The following UBE2W variants were observed in gnomAD, a reference collection of about 807,000 sequenced individuals.
UBE2W encodes the protein ubiquitin conjugating enzyme E2 W.
UBE2W carries 18 observed loss-of-function variants against 27.2 expected under a neutral mutation model. The observed-to-expected ratio is 0.66, with a 90% CI of 0.46 to 0.98. The LOEUF is 0.98. Among genes scored for constraint, UBE2W ranks in the 50% least tolerant of loss-of-function variants. The pLI, the probability that UBE2W is intolerant of heterozygous loss-of-function variation, is 0.00. For missense variants in UBE2W, 90 were observed against 180.2 expected, an observed-to-expected ratio of 0.50 and a Z score of 2.87; for synonymous variants, 53 against 57.2, an observed-to-expected ratio of 0.93 and a Z score of 0.33.
intron 4 of UBE2W, among the ~76,000 whole-genome samples, chr8:73,780,863 G>A (rs1223160473): frequency 6.6e-6 from 1 of 152,142 alleles, no homozygotes; most frequent in Non-Finnish European, 1.5e-5. Flanking sequence ...TTATTCAAAA[G>A]TGCAATGATT....
chr8:73,857,454 G>C (rs1003754219), intron 1 of UBE2W, among the ~76,000 whole-genome samples: 2 of 76,324 alleles, frequency 2.6e-5, no homozygotes, highest in Non-Finnish European at 3.7e-5. Context: ...ATAAAAGATT[G>C]CAAGTATGTA....
At chr8:73,845,122 CG>C (rs1810734442) in intron 1 of UBE2W, among the ~76,000 whole-genome samples, 3 of 152,088 alleles carry the variant, frequency 2.0e-5, no homozygotes, top group Admixed American at 1.3e-4. Flanking sequence ...GCCGCCGCCC[CG>C]TCTGGGAGGT....
intron 5 of UBE2W, among the ~76,000 whole-genome samples, 179 bp downstream of exon 5, chr8:73,805,472 C>CAAACAAAAAAAAAAAACAAAAACAAA (rs1254739442): frequency 2.3e-5 from 1 of 43,676 alleles, no homozygotes; most frequent in Non-Finnish European, 5.0e-5. Flanking sequence ...AAAAAAAAAA[C>CAAACAAAAAAAAAAAACAAAAACAAA]AAAAAAAACT....
At position 73,790,655 on chromosome 8, in the gene UBE2W, CAGT is replaced by C. The variant is rs1190508670; in HGVS notation, c.*3444_*3446del. ...TATTTAAAAAAATTTTTGTAACACA[CAGT>C]ACCTCCTCTTCTCTTCTATTTTTAG... On this transcript the variant is annotated 3_prime_UTR_variant, in exon 6 of 6. Transcript: ENST00000602593. 2.6e-5 allele frequency: 26 copies of C among 983,848 alleles called. No homozygotes were observed. Among genetic ancestry groups the C allele is most frequent in the Non-Finnish European group, 3.0e-5 (25 of 828,516 alleles). 60.9% of individuals were successfully genotyped at this position (983,848 alleles called of 1,614,324 possible).
At chr8:73,856,944 T>C (rs988896775) in intron 1 of UBE2W, among the ~76,000 whole-genome samples, 5 of 152,136 alleles carry the variant, frequency 3.3e-5, no homozygotes, top group Non-Finnish European at 7.4e-5. Flanking sequence ...TGGTCTCAAG[T>C]GATCCGCCCA....
chr8:73,843,411 T>C (rs1810628348), intron 1 of UBE2W, among the ~76,000 whole-genome samples: 1 of 152,106 alleles, frequency 6.6e-6, no homozygotes. Context: ...GGCAGGAAGA[T>C]TACTTGCAGC....
In UBE2W at chr8:73,801,718, G is replaced by GAAGC. The variant is rs1474933914; in HGVS notation, c.442+3929_442+3932dup. 2.0e-5 allele frequency among the ~76,000 whole-genome samples: 3 copies of GAAGC among 152,162 alleles called. No homozygotes were observed. In the East Asian group the frequency reaches 5.8e-4, roughly 29 times the overall value. ...TAAGGCTTTTTTGTAAAGGCATGAA[G>GAAGC]AAGCGGCTTAGTGTTTGGTCCTAAA... On this transcript the variant is annotated intron_variant, in intron 5 of 5. Transcript: ENST00000602593.
intron 5 of UBE2W, chr8:73,795,858 G>T: frequency 1.3e-6 from 1 of 784,484 alleles, no homozygotes; most frequent in Non-Finnish European, 1.5e-6. Flanking sequence ...GAGGTGGATG[G>T]ACTGCTTGGG....
chr8:73,786,785 T>C lies in UBE2W; in HGVS notation c.*7317A>G. 1.0e-6 allele frequency: 1 copy of C among 985,384 alleles called. No individual in the cohort carries two copies. The highest frequency in any genetic ancestry group is 4.7e-5 in the South Asian group (1 of 21,290). The allele number at this position is 985,384 out of a possible 1,614,324, so 61.0% of individuals were successfully genotyped here. A position where few individuals can be genotyped will look rare whatever the true frequency, so the allele number is the denominator to read the frequency against. On this transcript the variant is annotated 3_prime_UTR_variant, in exon 6 of 6. Coordinates refer to ENST00000602593, the MANE Select transcript of UBE2W (RefSeq NM_018299.6). ...TAGAAATCTCAGAGACATTTTAAAG[T>C]TACACTCAACAGGACTTGAAAAATG... is the stretch of plus-strand genomic sequence containing the variant.
At chr8:73,874,020 T>C (rs566217154) in intron 1 of UBE2W, among the ~76,000 whole-genome samples, 2 of 152,226 alleles carry the variant, frequency 1.3e-5, no homozygotes, top group African/African-American at 4.8e-5. Context: ...TATGTTAAAA[T>C]TGCTAACTTA....
At chr8:73,838,582 GA>G (rs1025154357) in intron 1 of UBE2W, among the ~76,000 whole-genome samples, 1 of 152,148 alleles carries the variant, frequency 6.6e-6, no homozygotes, top group Non-Finnish European at 1.5e-5. Context: ...TCTAGGGAAA[GA>G]AAAAGAGATG....
chr8:73,878,448 G>A (rs912642143), intron 1 of UBE2W, among the ~76,000 whole-genome samples: 2 of 152,204 alleles, frequency 1.3e-5, no homozygotes, highest in Admixed American at 6.5e-5. Flanking sequence ...CAGGGACAGC[G>A]GGGGTAAAGG....
At chr8:73,864,774 GA>G (rs1443569638) in intron 1 of UBE2W, among the ~76,000 whole-genome samples, 1 of 145,052 alleles carries the variant, frequency 6.9e-6, no homozygotes, top group Non-Finnish European at 1.5e-5. Flanking sequence ...GGGGGGGGCT[GA>G]GGGGATATTT....
At chr8:73,812,979 T>A (rs1334289210) in intron 3 of UBE2W, among the ~76,000 whole-genome samples, 1 of 144,712 alleles carries the variant, frequency 6.9e-6, no homozygotes, top group African/African-American at 2.6e-5. Context: ...CACTCCAGCC[T>A]GGGCGACAAG....
Position 73,790,920 on chromosome 8 carries a change from T to C in UBE2W, c.*3182A>G, listed in dbSNP as rs980934123. On this transcript the variant is annotated 3_prime_UTR_variant, in exon 6 of 6. Coordinates refer to ENST00000602593, the MANE Select transcript of UBE2W (RefSeq NM_018299.6). ...TATCCACCACAGGAATCTAATGATATATATATTTGCATATATTTAAAATTT... is the reference window on the plus strand; with the variant it reads ...TATCCACCACAGGAATCTAATGATACATATATTTGCATATATTTAAAATTT... The C allele has an allele frequency of 5.1e-6, 5 of 980,850 alleles. No individual in the cohort carries two copies. The African/African-American group carries it at 5.3e-5, about 10-fold the overall frequency. The allele number at this position is 980,850 out of a possible 1,614,324, so 60.8% of individuals were successfully genotyped here.
intron 3 of UBE2W, among the ~76,000 whole-genome samples, chr8:73,824,322 G>A (rs1368280056): frequency 6.6e-6 from 1 of 151,892 alleles, no homozygotes; most frequent in Admixed American, 6.6e-5. Context: ...AAACTCACTG[G>A]GCATCAAATT....
chr8:73,866,630 C>G (rs1183994128), intron 1 of UBE2W, among the ~76,000 whole-genome samples: 1 of 151,828 alleles, frequency 6.6e-6, no homozygotes, highest in African/African-American at 2.4e-5. Context: ...TCTCCATCAC[C>G]CCCTGGATTA....
intron 5 of UBE2W, among the ~76,000 whole-genome samples, 179 bp downstream of exon 5, chr8:73,805,472 C>CAAACAAAAAAAAA (rs1254739442): frequency 4.6e-5 from 2 of 43,694 alleles, no homozygotes; most frequent in Non-Finnish European, 9.9e-5. Context: ...AAAAAAAAAA[C>CAAACAAAAAAAAA]AAAAAAAACT....
At chr8:73,857,993 G>A (rs2130964319) in intron 1 of UBE2W, among the ~76,000 whole-genome samples, 1 of 152,212 alleles carries the variant, frequency 6.6e-6, no homozygotes, top group East Asian at 1.9e-4. Context: ...GGAAGGCTAA[G>A]GCAGGCGGAT....
Sources: allele counts gnomAD v4.1 joint callset (sites outside exome capture counted in the v4.1 genomes callset), GRCh38; gene constraint gnomAD v4.1.1; transcripts MANE v1.5; gene names NCBI Gene and HGNC (gene_info 2026-07-23, HGNC 2026-07-21).